Variants in SLC9A6 observed in about 807,000 individuals in gnomAD.
The protein encoded by SLC9A6 is solute carrier family 9 member A6.
In SLC9A6, 6 loss-of-function variants were observed where a neutral mutation model predicts 45.3. That is an observed-to-expected ratio of 0.13 (90% CI 0.07 to 0.26). SLC9A6 has a LOEUF of 0.26. Ranked by LOEUF, SLC9A6 falls within the 10% of genes least tolerant of loss-of-function variation. The probability of loss-of-function intolerance (pLI) is 1.00; values close to 1 mark genes in which losing one functional copy is unlikely to be tolerated. For synonymous variants in SLC9A6, 191 were observed against 187.7 expected (o/e 1.02, Z -0.14); for missense variants, 278 against 503.7 (o/e 0.55, Z 4.29).
At position 136,023,163 on chromosome X, in the gene SLC9A6, G is replaced by GTATGTATATGTA. The variant is rs2071161552; in HGVS notation, c.1306+469_1306+470insGTATATGTATAT. Among the ~76,000 whole-genome samples the GTATGTATATGTA allele has an allele frequency of 1.6e-4, 4 of 25,012 alleles. 1 individual carries two copies. The highest frequency in any genetic ancestry group is 2.7e-4 in the Non-Finnish European group (4 of 14,870). 21.7% of individuals were successfully genotyped at this position (25,012 alleles called of 115,157 possible). Reference sequence around the variant, plus strand: ...GCATCCTTGAATAGAAAAAGAAAATGTATATATATATATATATATATATAT... The same window carrying GTATGTATATGTA: ...GCATCCTTGAATAGAAAAAGAAAATGTATGTATATGTATATATATATATATATATATATATAT... On this transcript the variant is annotated intron_variant, in intron 12 of 17. Coordinates refer to ENST00000630721, the MANE Select transcript of SLC9A6 (RefSeq NM_001379110.1).
At chrX:135,987,394 G>A (rs1349942378) in intron 2 of SLC9A6, among the ~76,000 whole-genome samples, 1 of 111,779 alleles carries the variant, frequency 8.9e-6, no homozygotes, top group Non-Finnish European at 1.9e-5. Flanking sequence ...TTGCCTTCAA[G>A]TCACTTATAG....
intron 16 of SLC9A6, among the ~76,000 whole-genome samples, chrX:136,039,174 A>G (rs2148209705): frequency 9.1e-6 from 1 of 109,593 alleles, no homozygotes; most frequent in Admixed American, 9.8e-5. Flanking sequence ...GACCAGCCCT[A>G]GCAACATAGC....
intron 7 of SLC9A6, 191 bp from the exon 8 acceptor site, chrX:136,010,251 G>A (rs1392262291): frequency 5.0e-6 from 2 of 402,790 alleles, no homozygotes; most frequent in Non-Finnish European, 8.6e-6. Context: ...AACATTTAAG[G>A]GAAAGCCAAG....
At chrX:136,020,433 C>T (rs1282650219) in intron 11 of SLC9A6, among the ~76,000 whole-genome samples, 1 of 111,675 alleles carries the variant, frequency 9.0e-6, no homozygotes, top group African/African-American at 3.3e-5. Context: ...CCTACTGCAA[C>T]CTCCGCCTCC....
chrX:136,011,015 G>A (rs1257162915), intron 8 of SLC9A6, among the ~76,000 whole-genome samples: 2 of 111,980 alleles, frequency 1.8e-5, no homozygotes, highest in Non-Finnish European at 3.8e-5. Flanking sequence ...GTTAGGATAT[G>A]TAAGAGTTCA....
chrX:136,001,229 C>T (rs1330767889), intron 6 of SLC9A6, among the ~76,000 whole-genome samples: 2 of 103,487 alleles, frequency 1.9e-5, no homozygotes, highest in African/African-American at 3.6e-5. Flanking sequence ...CCCAGCTACT[C>T]GGGAGGCTGA....
At chrX:136,039,021 TCTGA>T (rs1187559961) in intron 16 of SLC9A6, among the ~76,000 whole-genome samples, 6 of 111,092 alleles carry the variant, frequency 5.4e-5, no homozygotes, top group Admixed American at 3.9e-4. Flanking sequence ...TGAAATTTTC[TCTGA>T]CTTTCTCATT....
At chrX:136,005,484 C>T (rs935308073) in intron 7 of SLC9A6, among the ~76,000 whole-genome samples, 1 of 112,177 alleles carries the variant, frequency 8.9e-6, no homozygotes, top group Non-Finnish European at 1.9e-5. Context: ...AGTTCGAGAC[C>T]AGCCTGGCCA....
intron 2 of SLC9A6, among the ~76,000 whole-genome samples, chrX:135,989,668 A>G (rs2089398910): frequency 8.9e-6 from 1 of 111,749 alleles, no homozygotes; most frequent in Non-Finnish European, 1.9e-5. Flanking sequence ...TGCCCTAGTG[A>G]TGTTCTTCCT....
rs1556620035 is a variant in SLC9A6, at chrX:136,022,645, G to T, written c.1254G>T (p.Leu418Phe). ...NIYPLSLLLNLGRRSKIGSNF... is the reference protein window; with the variant it reads ...NIYPLSLLLNFGRRSKIGSNF... ...ACCCCTTGTCCCTCTTACTTAATTT[G>T]GGTAGAAGAAGTAAGATTGGATCAA... The change falls in exon 12 of 18, where the codon TTG becomes TTT. Residue 418 changes from leucine (L) to phenylalanine (F), a missense_variant. By Grantham distance (22) the Leu-to-Phe change is conservative. Transcript: ENST00000630721. The T allele has an allele frequency of 3.3e-6, 4 of 1,195,925 alleles. No homozygotes were observed. The South Asian group carries it at 5.3e-5, about 16-fold the overall frequency.
rs147850191 is a variant in SLC9A6 at position 136,044,233 on chromosome X, A to G, written c.1768-219A>G. 7.1e-3 allele frequency among the ~76,000 whole-genome samples: 792 copies of G among 111,271 alleles called. 8 individuals are homozygous for G. Among genetic ancestry groups the G allele is most frequent in the African/African-American group, 0.024 (746 of 30,618 alleles). ...CACACTTCAGTCTGGTTGGCAGACA[A>G]TGGGGCCTTTGGTGTGGGAGGGGCA... On this transcript the variant is annotated intron_variant, in intron 17 of 17. Transcript: ENST00000630721.
At chrX:136,018,386 G>A (rs2071060943) in intron 11 of SLC9A6, among the ~76,000 whole-genome samples, 2 of 112,225 alleles carry the variant, frequency 1.8e-5, no homozygotes, top group Admixed American at 1.9e-4. Flanking sequence ...AGTTTGTCCA[G>A]CAGTACTTAC....
At chrX:136,005,749 C>T (rs1569524612) in intron 7 of SLC9A6, among the ~76,000 whole-genome samples, 1 of 110,748 alleles carries the variant, frequency 9.0e-6, no homozygotes, top group African/African-American at 3.3e-5. Context: ...TCTTCTCTTG[C>T]AGCCTTTCTC....
In SLC9A6 at chrX:136,016,040, T is replaced by C. The variant is rs187079582; in HGVS notation, c.1081-605T>C. Among the ~76,000 whole-genome samples, 18 of 111,018 alleles carry C rather than the reference T, an allele frequency of 1.6e-4. No individual in the cohort carries two copies. The East Asian group carries it at 4.8e-3, about 30-fold the overall frequency. ...TAGTTCCCCCCACAGATAGTTCTGC[T>C]ATCCTACAGATCGATCTCTTCCACA... is the stretch of plus-strand genomic sequence containing the variant. On this transcript the variant is annotated intron_variant, in intron 10 of 17. Coordinates refer to ENST00000630721, the MANE Select transcript of SLC9A6 (RefSeq NM_001379110.1).
chrX:136,041,186 A>C (rs1239133121), intron 17 of SLC9A6, among the ~76,000 whole-genome samples: 2 of 111,907 alleles, frequency 1.8e-5, no homozygotes, highest in African/African-American at 6.5e-5. Flanking sequence ...AATCTATGAC[A>C]TCATATAGGC....
intron 15 of SLC9A6, among the ~76,000 whole-genome samples, chrX:136,030,843 T>C (rs186918325): frequency 8.9e-6 from 1 of 112,261 alleles, no homozygotes; most frequent in Non-Finnish European, 1.9e-5. Context: ...ATTGAATATG[T>C]GTCTCCATAT....
At chrX:136,017,264 A>C (rs2071036920) in intron 11 of SLC9A6, among the ~76,000 whole-genome samples, 1 of 110,577 alleles carries the variant, frequency 9.0e-6, no homozygotes, top group African/African-American at 3.3e-5. Flanking sequence ...ACAAAATTTT[A>C]AAAACTAGCC....
intron 2 of SLC9A6, among the ~76,000 whole-genome samples, chrX:135,986,110 G>A (rs958099131): frequency 1.8e-5 from 2 of 110,101 alleles, no homozygotes; most frequent in Non-Finnish European, 3.8e-5. Flanking sequence ...TGCCTACCAA[G>A]CTCGGGACCC....
chrX:136,004,333 C>T (rs2089625253), intron 7 of SLC9A6, among the ~76,000 whole-genome samples: 1 of 110,016 alleles, frequency 9.1e-6, no homozygotes, highest in African/African-American at 3.3e-5. Flanking sequence ...AGGTGATCCA[C>T]CTGCCTCGGC....
Sources: gnomAD v4.1 joint callset for allele counts (sites outside exome capture counted in the v4.1 genomes callset) on GRCh38, gnomAD v4.1.1 for gene constraint, MANE v1.5 for transcripts, NCBI Gene and HGNC (gene_info 2026-07-23, HGNC 2026-07-21) for gene names.